The following CFAP299 variants were observed in gnomAD, a reference collection of about 807,000 sequenced individuals.
CFAP299 encodes cilia- and flagella-associated protein 299.
Under a neutral mutation model 27.0 loss-of-function variants are expected in CFAP299, and 21 were observed. The observed-to-expected ratio is 0.78, with a 90% CI of 0.55 to 1.12. CFAP299 has a LOEUF of 1.12. CFAP299 is among the 50% of genes most tolerant of loss of function. The pLI is 0.00. For missense variants in CFAP299, 310 were observed against 276.6 expected, an observed-to-expected ratio of 1.12 and a Z score of -0.86; for synonymous variants, 104 against 98.1, an observed-to-expected ratio of 1.06 and a Z score of -0.36.
rs776374556 is a variant in CFAP299 at position 80,870,037 on chromosome 4, A to G, written c.378A>G (p.Ile126Met). Residue 126 changes from isoleucine to methionine, a missense_variant, in exon 4 of 6, where the codon ATA (isoleucine) becomes ATG (methionine). Coordinates refer to ENST00000358105, the MANE Select transcript of CFAP299 (RefSeq NM_152770.3). ...IRDRNSHGQE[I>M]SGYIDYAHRL... ...ACAGAAATTCTCATGGGCAAGAGAT[A>G]TCAGGATACATCGACTATGCCCACA... is the stretch of plus-strand genomic sequence containing the variant. 6.2e-7 allele frequency: 1 copy of G among 1,613,730 alleles called. No homozygotes were observed. Among genetic ancestry groups the G allele is most frequent in the African/African-American group, 1.3e-5 (1 of 74,926 alleles).
intron 3 of CFAP299, among the ~76,000 whole-genome samples, chr4:80,835,351 G>C (rs1730507045): frequency 6.6e-6 from 1 of 151,944 alleles, no homozygotes. Context: ...GCCCGCCTCG[G>C]CCTGCTTCTT....
At position 80,651,366 on chromosome 4, in the gene CFAP299, T is replaced by C. The variant is rs74598500; in HGVS notation, c.333+68183T>C. Among the ~76,000 whole-genome samples, 272 of 139,206 alleles carry C rather than the reference T, an allele frequency of 2.0e-3. 12 individuals carry two copies. In the East Asian group the frequency reaches 0.049, roughly 25 times the overall value. The allele number at this position is 139,206 out of a possible 152,430, so 91.3% of individuals were successfully genotyped here. On this transcript the variant is annotated intron_variant, in intron 3 of 5. Coordinates refer to ENST00000358105, the MANE Select transcript of CFAP299 (RefSeq NM_152770.3). ...TTCCTTCTTCTTTCTTTCTTCTTCT[T>C]CTTTTTTTTTTTTTGTTGAGACAGA...
At chr4:80,701,477 A>G (rs1360869887) in intron 3 of CFAP299, among the ~76,000 whole-genome samples, 2 of 152,050 alleles carry the variant, frequency 1.3e-5, no homozygotes, top group Admixed American at 1.3e-4. Context: ...TAAAAGTAAT[A>G]ATCCTTTGAA....
At chr4:80,824,321 G>T (rs1205056668) in intron 3 of CFAP299, among the ~76,000 whole-genome samples, 1 of 152,140 alleles carries the variant, frequency 6.6e-6, no homozygotes, top group East Asian at 1.9e-4. Flanking sequence ...CAAATTGCAG[G>T]TAGCTGTGCA....
chr4:80,665,723 G>A (rs532333712), intron 3 of CFAP299, among the ~76,000 whole-genome samples: 5 of 152,272 alleles, frequency 3.3e-5, no homozygotes, highest in African/African-American at 1.2e-4. Flanking sequence ...ATGTTAAAAT[G>A]TAATCCCCAG....
chr4:80,679,108 C>T (rs1719664697), intron 3 of CFAP299, among the ~76,000 whole-genome samples: 1 of 152,028 alleles, frequency 6.6e-6, no homozygotes, highest in Admixed American at 6.6e-5. Flanking sequence ...CTAGGCTGCT[C>T]TTCATCTCTA....
At chr4:80,563,072 G>A (rs1252196335) in intron 2 of CFAP299, among the ~76,000 whole-genome samples, 1 of 152,002 alleles carries the variant, frequency 6.6e-6, no homozygotes, top group Non-Finnish European at 1.5e-5. Context: ...TTAGACTAAA[G>A]AGAGAGGTCC....
intron 2 of CFAP299, among the ~76,000 whole-genome samples, chr4:80,459,444 G>T (rs1015544335): frequency 2.0e-5 from 3 of 152,190 alleles, no homozygotes; most frequent in African/African-American, 7.2e-5. Flanking sequence ...CAGTGCACTT[G>T]ATGTCTCAAG....
intron 4 of CFAP299, among the ~76,000 whole-genome samples, chr4:80,893,784 A>G (rs1271882806): frequency 6.6e-6 from 1 of 151,576 alleles, no homozygotes; most frequent in Non-Finnish European, 1.5e-5. Context: ...ATAGGGAAAA[A>G]GCTTCTGTAC....
chr4:80,684,896 T>C (rs1720087747), intron 3 of CFAP299, among the ~76,000 whole-genome samples: 1 of 152,172 alleles, frequency 6.6e-6, no homozygotes, highest in Admixed American at 6.5e-5. Flanking sequence ...TTCAGATATA[T>C]GTGTATATTA....
the CFAP299 span, among the ~76,000 whole-genome samples, chr4:80,329,208 C>CACACATAT: frequency 2.9e-4 from 39 of 136,018 alleles, no homozygotes; most frequent in South Asian, 2.2e-3. Flanking sequence ...ACACTGTATA[C>CACACATAT]ATATATATAT....
At chr4:80,604,815 C>T (rs1265458371) in intron 3 of CFAP299, among the ~76,000 whole-genome samples, 2 of 150,752 alleles carry the variant, frequency 1.3e-5, no homozygotes, top group African/African-American at 4.9e-5. Flanking sequence ...AATTGCACGT[C>T]ACATCAGAAA....
chr4:80,429,110 G>T (rs1315130063), intron 2 of CFAP299, among the ~76,000 whole-genome samples: 18 of 152,184 alleles, frequency 1.2e-4, no homozygotes. Context: ...CAAATTGCCT[G>T]TGAAAATTCT....
At chr4:80,741,055 C>T (rs904885307) in intron 3 of CFAP299, among the ~76,000 whole-genome samples, 1 of 152,134 alleles carries the variant, frequency 6.6e-6, no homozygotes. Context: ...TGGGTGATAT[C>T]CAAGGTGCAA....
At chr4:80,494,348 T>A (rs1382906587) in intron 2 of CFAP299, among the ~76,000 whole-genome samples, 2 of 152,218 alleles carry the variant, frequency 1.3e-5, no homozygotes, top group Non-Finnish European at 2.9e-5. Flanking sequence ...TGTTAACTAT[T>A]CCCATTTTTA....
chr4:80,400,489 A>AG (rs1402156774), intron 2 of CFAP299, among the ~76,000 whole-genome samples: 4 of 151,414 alleles, frequency 2.6e-5, no homozygotes, highest in Admixed American at 2.6e-4. Context: ...GTGATAGTGA[A>AG]TAAGTCTCAC....
At chr4:80,702,980 T>C (rs761852138) in intron 3 of CFAP299, among the ~76,000 whole-genome samples, 10 of 151,828 alleles carry the variant, frequency 6.6e-5, no homozygotes, top group Admixed American at 3.3e-4. Context: ...GCTCTTCATA[T>C]ATGCAGCTGT....
At chr4:80,741,079 T>A (rs1241587571) in intron 3 of CFAP299, among the ~76,000 whole-genome samples, 1 of 152,128 alleles carries the variant, frequency 6.6e-6, no homozygotes, top group Non-Finnish European at 1.5e-5. Flanking sequence ...AAAATCCCCT[T>A]TACTTTTCCC....
At chr4:80,540,390 A>G (rs1249181529) in intron 2 of CFAP299, among the ~76,000 whole-genome samples, 1 of 152,228 alleles carries the variant, frequency 6.6e-6, no homozygotes, top group Non-Finnish European at 1.5e-5. Flanking sequence ...GATGAAGTAA[A>G]GAAATTGTAA....
Sources: allele counts gnomAD v4.1 joint callset (sites outside exome capture counted in the v4.1 genomes callset), GRCh38; gene constraint gnomAD v4.1.1; transcripts MANE v1.5; gene names NCBI Gene and HGNC (gene_info 2026-07-23, HGNC 2026-07-21).